C7orf33: variants seen among roughly 807,000 people sequenced by gnomAD.
The protein encoded by C7orf33 is uncharacterized protein C7orf33.
A neutral mutation model predicts 13.4 loss-of-function variants in C7orf33; 15 were observed. The ratio of observed to expected loss-of-function variants is 1.12; its 90% CI spans 0.75 to 1.72. The LOEUF is 1.72. Among genes scored for constraint, C7orf33 ranks in the 40% most tolerant of loss-of-function variants. The pLI is 0.00. For synonymous variants in C7orf33, 73 were observed against 83.2 expected (o/e 0.88, Z 0.67); for missense variants, 187 against 220.3 (o/e 0.85, Z 0.96).
intron 1 of C7orf33, among the ~76,000 whole-genome samples, chr7:148,596,956 A>C (rs1796346655): frequency 6.6e-6 from 1 of 152,188 alleles, no homozygotes; most frequent in Non-Finnish European, 1.5e-5. Context: ...AGCGATATGC[A>C]TTTAAGCTTC....
intron 1 of C7orf33, among the ~76,000 whole-genome samples, chr7:148,598,394 C>G (rs895265680): frequency 6.6e-5 from 10 of 151,978 alleles, no homozygotes; most frequent in Admixed American, 6.6e-4. Flanking sequence ...CATCCTGGTA[C>G]GTGACAACTC....
At chr7:148,614,322 T>C (rs1413357009) in intron 2 of C7orf33, 26 bp downstream of exon 2, 2 of 1,598,116 alleles carry the variant, frequency 1.3e-6, no homozygotes, top group African/African-American at 2.7e-5. Flanking sequence ...TCTTAGCACC[T>C]CCAAGTTTAA....
chr7:148,594,112 G>A (rs1287974962), intron 1 of C7orf33, among the ~76,000 whole-genome samples: 1 of 151,786 alleles, frequency 6.6e-6, no homozygotes, highest in African/African-American at 2.4e-5. Flanking sequence ...CCCAGAAGCC[G>A]AGCAGACGCC....
At chr7:148,604,462 C>T (rs533038322) in intron 1 of C7orf33, among the ~76,000 whole-genome samples, 30 of 152,200 alleles carry the variant, frequency 2.0e-4, no homozygotes, top group Admixed American at 5.2e-4. Context: ...AACTCAGGAA[C>T]GGAAAACCAA....
intron 1 of C7orf33, among the ~76,000 whole-genome samples, chr7:148,607,434 T>C (rs566569150): frequency 1.3e-5 from 2 of 152,326 alleles, no homozygotes; most frequent in Admixed American, 1.3e-4. Flanking sequence ...ATCCTCCTTT[T>C]GGAGTGGCAT....
At chr7:148,592,230 T>G (rs115468821) in intron 1 of C7orf33, among the ~76,000 whole-genome samples, 2,831 of 152,276 alleles carry the variant, frequency 0.019, 93 homozygotes, top group African/African-American at 0.064. Context: ...CAGCATGAAC[T>G]GCAGGGTCAG....
rs776627436 is a variant in C7orf33, at chr7:148,590,987, A to T, written c.62A>T (p.Gln21Leu). Residue 21 changes from glutamine (Q) to leucine (L), a missense_variant, in exon 1 of 3, where the codon CAA becomes CTA. Physicochemically the swap from Gln to Leu is moderately radical, Grantham distance 113. Coordinates refer to ENST00000307003, the MANE Select transcript of C7orf33 (RefSeq NM_145304.4). ...TGTCCCTGGAGACTTCCAGGCCCCC[A>T]ATGTGAATGTGAAGCCCTCCTGCCC... ...EECPWRLPGP[Q>L]CECEALLPSG... 8.1e-6 allele frequency: 13 copies of T among 1,614,136 alleles called. No homozygotes were observed. Among genetic ancestry groups the T allele is most frequent in the Non-Finnish European group, 1.1e-5 (13 of 1,180,030 alleles).
chr7:148,601,987 G>A (rs1170848779), intron 1 of C7orf33, among the ~76,000 whole-genome samples: 2 of 151,872 alleles, frequency 1.3e-5, no homozygotes, highest in East Asian at 1.9e-4. Flanking sequence ...GGCCTCAAGC[G>A]ATCCTCCTCC....
At chr7:148,613,679 C>T (rs12704041) in intron 1 of C7orf33, among the ~76,000 whole-genome samples, 2 of 151,898 alleles carry the variant, frequency 1.3e-5, no homozygotes, top group African/African-American at 4.8e-5. Context: ...GGGGAGTGAC[C>T]GCTAATGGGT....
At position 148,615,650 on chromosome 7, in the gene C7orf33, C is replaced by A; in HGVS notation, c.*249C>A. The stretch of plus-strand genomic sequence containing the variant: ...ACTGGTGTGGGGCCCAGGAGAGGAC[C>A]ACGGAGTGACAAGCCACCAGGTTCT... On this transcript the variant is annotated 3_prime_UTR_variant, in exon 3 of 3. Coordinates refer to ENST00000307003, the MANE Select transcript of C7orf33 (RefSeq NM_145304.4). 2.6e-6 allele frequency: 1 copy of A among 392,074 alleles called. No individual in the cohort carries two copies. Among genetic ancestry groups the A allele is most frequent in the Non-Finnish European group, 4.8e-6 (1 of 209,484 alleles). 24.3% of individuals were successfully genotyped at this position (392,074 alleles called of 1,614,324 possible).
intron 1 of C7orf33, among the ~76,000 whole-genome samples, chr7:148,592,392 G>T (rs372943994): frequency 6.6e-6 from 1 of 152,168 alleles, no homozygotes; most frequent in African/African-American, 2.4e-5. Flanking sequence ...TCTGAATGAT[G>T]AATATAAATG....
intron 1 of C7orf33, among the ~76,000 whole-genome samples, chr7:148,599,528 C>T (rs1585458186): frequency 7.0e-6 from 1 of 142,206 alleles, no homozygotes; most frequent in South Asian, 2.2e-4. Flanking sequence ...GGCTGGAGTG[C>T]AATGGCATGG....
intron 1 of C7orf33, among the ~76,000 whole-genome samples, chr7:148,593,672 G>A (rs529067993): frequency 6.6e-6 from 1 of 152,226 alleles, no homozygotes; most frequent in South Asian, 2.1e-4. Context: ...CCTCTGACTG[G>A]GTGTTTAATG....
chr7:148,598,755 TATATATATAGAGAGAGAG>T (rs1224653972), intron 1 of C7orf33, among the ~76,000 whole-genome samples: 232 of 52,310 alleles, frequency 4.4e-3, no homozygotes, highest in African/African-American at 9.7e-3. Flanking sequence ...TATATATATA[TATATATATAGAGAGAGAG>T]AGAGAGAGAG....
At chr7:148,599,937 C>T (rs1210332921) in intron 1 of C7orf33, among the ~76,000 whole-genome samples, 1 of 150,878 alleles carries the variant, frequency 6.6e-6, no homozygotes, top group Non-Finnish European at 1.5e-5. Context: ...GTCCAAACTC[C>T]ATCTACACGC....
intron 1 of C7orf33, among the ~76,000 whole-genome samples, chr7:148,611,467 G>A (rs1024147959): frequency 6.6e-6 from 1 of 152,222 alleles, no homozygotes; most frequent in Non-Finnish European, 1.5e-5. Flanking sequence ...TCGGCCAGGG[G>A]TGGTTGGAGA....
chr7:148,594,050 G>A (rs1325051349), intron 1 of C7orf33, among the ~76,000 whole-genome samples: 2 of 151,842 alleles, frequency 1.3e-5, no homozygotes, highest in Non-Finnish European at 2.9e-5. Flanking sequence ...GCTGTTCGAT[G>A]TGCCTGCTTC....
chr7:148,608,393 G>A (rs1316933506), intron 1 of C7orf33, among the ~76,000 whole-genome samples: 1 of 151,994 alleles, frequency 6.6e-6, no homozygotes, highest in African/African-American at 2.4e-5. Flanking sequence ...TCAGGCCACT[G>A]CACTCCAGCC....
chr7:148,598,489 G>T (rs1028830905), intron 1 of C7orf33, among the ~76,000 whole-genome samples: 52 of 151,768 alleles, frequency 3.4e-4, no homozygotes, highest in Non-Finnish European at 5.9e-5. Context: ...CCAATGCCCT[G>T]CTTCCTTAAT....
Sources: allele counts gnomAD v4.1 joint callset (sites outside exome capture counted in the v4.1 genomes callset), GRCh38; gene constraint gnomAD v4.1.1; transcripts MANE v1.5; gene names NCBI Gene and HGNC (gene_info 2026-07-23, HGNC 2026-07-21).